LYN: variants seen among roughly 807,000 people sequenced by gnomAD.
LYN encodes the protein tyrosine-protein kinase Lyn.
In LYN, 12 loss-of-function variants were observed where a neutral mutation model predicts 65.0. The observed-to-expected ratio is 0.18, with a 90% CI of 0.12 to 0.30. LYN has a LOEUF of 0.30. Ranked by LOEUF, LYN falls within the 10% of genes least tolerant of loss-of-function variation. The pLI is 1.00. For missense variants in LYN, 380 were observed against 623.2 expected, an observed-to-expected ratio of 0.61 and a Z score of 4.16; for synonymous variants, 222 against 221.2, an observed-to-expected ratio of 1.00 and a Z score of -0.03.
chr8:55,948,555 A>T (rs953024418), intron 4 of LYN, among the ~76,000 whole-genome samples: 1 of 152,224 alleles, frequency 6.6e-6, no homozygotes, highest in South Asian at 2.1e-4. Flanking sequence ...GACCATAGGC[A>T]TGCAGGACAG....
chr8:55,904,699 G>A (rs1301284596), intron 1 of LYN, among the ~76,000 whole-genome samples: 1 of 152,034 alleles, frequency 6.6e-6, no homozygotes, highest in Non-Finnish European at 1.5e-5. Context: ...GCAGTGAGCC[G>A]AGATTGCACC....
chr8:55,887,559 T>TAAATAAATAA (rs58233309), intron 1 of LYN, among the ~76,000 whole-genome samples: 17 of 110,452 alleles, frequency 1.5e-4, no homozygotes, highest in African/African-American at 6.0e-4. Flanking sequence ...AAAATATAAA[T>TAAATAAATAA]ATATATATAT....
chr8:55,998,580 A>G lies in LYN; in HGVS notation c.1204+81A>G, dbSNP rs1435753605. 4.5e-6 allele frequency: 6 copies of G among 1,334,252 alleles called. No individual in the cohort carries two copies. In the Admixed American group the frequency reaches 5.4e-5, roughly 12 times the overall value. The allele number at this position is 1,334,252 out of a possible 1,614,324, so 82.7% of individuals were successfully genotyped here. On this transcript the variant is annotated intron_variant, in intron 11 of 12. Coordinates refer to ENST00000519728, the MANE Select transcript of LYN (RefSeq NM_002350.4). ...GTCTGTTTTTGACAAAGCAATTACA[A>G]TAGTCACCATTAAGAAAAACTTATT...
At chr8:55,908,344 G>A (rs776966837) in intron 1 of LYN, among the ~76,000 whole-genome samples, 30 of 151,674 alleles carry the variant, frequency 2.0e-4, no homozygotes, top group African/African-American at 6.5e-4. Context: ...TCCCAGGTTC[G>A]AGTGATTCTC....
At chr8:55,905,530 G>T (rs990898597) in intron 1 of LYN, among the ~76,000 whole-genome samples, 1 of 152,202 alleles carries the variant, frequency 6.6e-6, no homozygotes, top group Non-Finnish European at 1.5e-5. Flanking sequence ...GTCCTGGAGT[G>T]CTGAGATGTG....
chr8:55,973,287 A>G (rs1176930890), intron 10 of LYN, among the ~76,000 whole-genome samples: 3 of 152,176 alleles, frequency 2.0e-5, no homozygotes, highest in Admixed American at 1.3e-4. Context: ...GTTCTGAAAG[A>G]CTTGTCTGAG....
At chr8:55,947,554 T>G in intron 3 of LYN, 64 bp from the exon 4 acceptor site, 427 of 1,129,316 alleles carry the variant, frequency 3.8e-4, no homozygotes, top group East Asian at 6.6e-4. Context: ...TTGTGCCCCA[T>G]GAGGTTTGTT....
chr8:55,998,116 CTT>C (rs552617192), intron 10 of LYN, among the ~76,000 whole-genome samples: 7 of 144,292 alleles, frequency 4.9e-5, no homozygotes, highest in African/African-American at 2.5e-5. Context: ...AGACATGTTC[CTT>C]TTTTTTTTTT....
intron 10 of LYN, chr8:55,980,581 A>C (rs975777320): frequency 2.0e-5 from 3 of 152,202 alleles, no homozygotes; most frequent in Non-Finnish European, 1.5e-5. Flanking sequence ...AAACAGAAGA[A>C]ATTCAAGGTA....
At chr8:55,985,908 T>C (rs775480217) in intron 10 of LYN, among the ~76,000 whole-genome samples, 3 of 152,260 alleles carry the variant, frequency 2.0e-5, no homozygotes, top group Middle Eastern at 6.8e-3. Flanking sequence ...GGCTCATGTC[T>C]GTAATCCCAA....
intron 1 of LYN, among the ~76,000 whole-genome samples, chr8:55,889,976 T>C (rs997817755): frequency 2.6e-5 from 4 of 152,034 alleles, no homozygotes; most frequent in Non-Finnish European, 5.9e-5. Context: ...TTGGTATTGT[T>C]ATCAAAAGCA....
At chr8:55,970,586 G>C (rs899729801) in intron 10 of LYN, among the ~76,000 whole-genome samples, 10 of 152,106 alleles carry the variant, frequency 6.6e-5, no homozygotes, top group Non-Finnish European at 1.2e-4. Context: ...AGGGAAGACT[G>C]GTCCCTATAG....
intron 8 of LYN, among the ~76,000 whole-genome samples, chr8:55,959,414 A>G (rs946772063): frequency 6.6e-6 from 1 of 152,232 alleles, no homozygotes; most frequent in African/African-American, 2.4e-5. Flanking sequence ...AATGGAACCT[A>G]TCTCAGAGGG....
intron 8 of LYN, among the ~76,000 whole-genome samples, chr8:55,962,079 C>T (rs1807300017): frequency 3.3e-5 from 5 of 152,230 alleles, no homozygotes; most frequent in Admixed American, 2.6e-4. Context: ...CTCTTTTACT[C>T]AACGGGTTGG....
chr8:55,915,010 C>A (rs1261058119), intron 1 of LYN, among the ~76,000 whole-genome samples: 1 of 152,182 alleles, frequency 6.6e-6, no homozygotes, highest in Non-Finnish European at 1.5e-5. Flanking sequence ...TGGGAGAGTA[C>A]AAATGGTTTT....
At chr8:55,987,233 T>C (rs1165860124) in intron 10 of LYN, among the ~76,000 whole-genome samples, 1 of 151,870 alleles carries the variant, frequency 6.6e-6, no homozygotes, top group Non-Finnish European at 1.5e-5. Flanking sequence ...GGGAACATGA[T>C]GAAACACCGT....
Position 56,010,639 on chromosome 8 carries a change from T to C in LYN, c.*529T>C. 4.3e-6 allele frequency: 1 copy of C among 233,348 alleles called. No individual in the cohort carries two copies. The highest frequency in any genetic ancestry group is 6.2e-5 in the East Asian group (1 of 16,186). The allele number at this position is 233,348 out of a possible 1,614,324, so 14.5% of individuals were successfully genotyped here. On this transcript the variant is annotated 3_prime_UTR_variant, in exon 13 of 13. Coordinates refer to ENST00000519728, the MANE Select transcript of LYN (RefSeq NM_002350.4). Reference sequence around the variant, plus strand: ...GTGAAGTCAGCAGCTTAAAAATGTCTTTCCCAGATTTCAATGATTTTTTTC... The same window carrying C: ...GTGAAGTCAGCAGCTTAAAAATGTCCTTCCCAGATTTCAATGATTTTTTTC...
chr8:55,884,060 T>G (rs1289226616), intron 1 of LYN, among the ~76,000 whole-genome samples: 1 of 152,246 alleles, frequency 6.6e-6, no homozygotes, highest in Admixed American at 6.5e-5. Context: ...TTTGTCAGTT[T>G]AAAGACTTGG....
chr8:56,007,453 C>T (rs531811112), intron 12 of LYN, among the ~76,000 whole-genome samples: 12 of 152,312 alleles, frequency 7.9e-5, no homozygotes, highest in African/African-American at 2.9e-4. Context: ...TCTAGTCACA[C>T]AAATATTTGA....
Sources: gnomAD v4.1 joint callset for allele counts (sites outside exome capture counted in the v4.1 genomes callset) on GRCh38, gnomAD v4.1.1 for gene constraint, MANE v1.5 for transcripts, NCBI Gene and HGNC (gene_info 2026-07-23, HGNC 2026-07-21) for gene names.